NYX: variants seen among roughly 807,000 people sequenced by gnomAD.
The protein encoded by NYX is nyctalopin, also known as leucine-rich repeat protein.
For synonymous variants in NYX, 258 were observed against 245.7 expected, an observed-to-expected ratio of 1.05 and a Z score of -0.47; for missense variants, 481 against 485.4, an observed-to-expected ratio of 0.99 and a Z score of 0.09.
Position 41,474,806 on chromosome X carries a change from G to C in NYX, c.1338G>C (p.Val446=). ...CCGACAGCCTCTCCTCCCGTGGGGT[G>C]GGAGGCGCGGGCCGGCAGCCCTGGT... ...SLSDSLSSRG[V]GGAGRQPWFL... is the part of the protein sequence containing the mutation. The change falls in exon 3 of 3, where the codon GTG becomes GTC. Residue 446 remains valine, a synonymous_variant. Coordinates refer to ENST00000378220, the MANE Select transcript of NYX (RefSeq NM_001378477.3). The C allele has an allele frequency of 8.3e-7, 1 of 1,203,005 alleles. No individual in the cohort carries two copies. The highest frequency in any genetic ancestry group is 1.1e-6 in the Non-Finnish European group (1 of 892,068).
At chrX:41,470,977 C>T (rs927226373) in intron 2 of NYX, among the ~76,000 whole-genome samples, 3 of 111,218 alleles carry the variant, frequency 2.7e-5, no homozygotes, top group African/African-American at 9.8e-5. Flanking sequence ...CTATTTCTCA[C>T]GGCCCAATAA....
intron 2 of NYX, among the ~76,000 whole-genome samples, chrX:41,462,652 T>C (rs2064324174): frequency 8.9e-6 from 1 of 112,390 alleles, no homozygotes; most frequent in Non-Finnish European, 1.9e-5. Context: ...CCAGTCTTTC[T>C]AATTTTAGCC....
At chrX:41,469,682 G>T (rs980048481) in intron 2 of NYX, among the ~76,000 whole-genome samples, 3 of 109,975 alleles carry the variant, frequency 2.7e-5, no homozygotes, top group African/African-American at 1.0e-4. Context: ...GAGTAGCTGG[G>T]ATTATAGGTG....
chrX:41,466,383 C>T lies in NYX; in HGVS notation c.23-7108C>T, dbSNP rs192658454. On this transcript the variant is annotated intron_variant, in intron 2 of 2. Transcript: ENST00000378220. ...CTGTGGTGAACCGAGATTGCACCACCGCACTCCAGCCTGGGCAACGGAGAG... is the reference window on the plus strand; with the variant it reads ...CTGTGGTGAACCGAGATTGCACCACTGCACTCCAGCCTGGGCAACGGAGAG... Among the ~76,000 whole-genome samples the T allele has an allele frequency of 2.2e-3, 243 of 109,259 alleles. 1 individual carries two copies. Among genetic ancestry groups the T allele is most frequent in the African/African-American group, 7.4e-3 (222 of 30,043 alleles). 94.9% of individuals were successfully genotyped at this position (109,259 alleles called of 115,157 possible).
intron 2 of NYX, among the ~76,000 whole-genome samples, chrX:41,466,584 A>G (rs2064339194): frequency 9.9e-6 from 1 of 101,365 alleles, no homozygotes; most frequent in African/African-American, 3.6e-5. Flanking sequence ...TTTGAGACAG[A>G]GTTTCGCTCT....
Position 41,473,587 on chromosome X carries a change from C to T in NYX, c.119C>T (p.Ser40Leu), listed in dbSNP as rs762359799. The change falls in exon 3 of 3, where the codon TCG becomes TTG. Residue 40 changes from serine to leucine, a missense_variant. Coordinates refer to ENST00000378220, the MANE Select transcript of NYX (RefSeq NM_001378477.3). ...CACSTVERGC[S>L]VRCDRAGLLR... ...TGCAGCACCGTGGAGCGCGGCTGCT[C>T]GGTGCGCTGCGACCGCGCGGGCCTC... 2.6e-5 allele frequency: 26 copies of T among 1,010,294 alleles called. No individual in the cohort carries two copies. The highest frequency in any genetic ancestry group is 2.8e-4 in the Middle Eastern group (1 of 3,511). The allele number at this position is 1,010,294 out of a possible 1,213,427, so 83.3% of individuals were successfully genotyped here.
chrX:41,448,396 C>T (rs1334871756), intron 2 of NYX, among the ~76,000 whole-genome samples: 2 of 108,063 alleles, frequency 1.9e-5, no homozygotes, highest in African/African-American at 3.4e-5. Flanking sequence ...GTGCCCGCCA[C>T]CACGCCTGGC....
chrX:41,450,838 T>A (rs771416953), intron 2 of NYX, among the ~76,000 whole-genome samples: 34,032 of 76,952 alleles, frequency 0.44, 6,048 homozygotes, highest in East Asian at 0.57. Context: ...ATTTTTTTTT[T>A]TTTTTTTTTT....
chrX:41,454,781 AT>A (rs2064293483), intron 2 of NYX, among the ~76,000 whole-genome samples: 1 of 110,045 alleles, frequency 9.1e-6, no homozygotes, highest in Admixed American at 9.8e-5. Context: ...TAATTTTTGT[AT>A]TTTTTGTAGA....
chrX:41,465,604 A>C (rs2064335103), intron 2 of NYX, among the ~76,000 whole-genome samples: 1 of 100,017 alleles, frequency 1.0e-5, no homozygotes. Context: ...ATCTCAGCTC[A>C]CTGCAACCTC....
intron 2 of NYX, among the ~76,000 whole-genome samples, chrX:41,469,219 T>C (rs955809661): frequency 9.0e-6 from 1 of 111,445 alleles, no homozygotes; most frequent in African/African-American, 3.3e-5. Flanking sequence ...GTATTCTACA[T>C]ATCCCTTTTG....
At chrX:41,450,078 A>G (rs2064273284) in intron 2 of NYX, among the ~76,000 whole-genome samples, 1 of 111,598 alleles carries the variant, frequency 9.0e-6, no homozygotes. Flanking sequence ...CTGGACACAC[A>G]GGGCTCCTGG....
At chrX:41,460,888 T>C (rs1401948383) in intron 2 of NYX, among the ~76,000 whole-genome samples, 2 of 95,225 alleles carry the variant, frequency 2.1e-5, no homozygotes, top group Non-Finnish European at 4.2e-5. Context: ...TTTTTTTTTT[T>C]TTTTTTTTTT....
At chrX:41,464,696 T>TGTGTGTGTGTGTGTGTG (rs58499732) in intron 2 of NYX, among the ~76,000 whole-genome samples, 2 of 110,502 alleles carry the variant, frequency 1.8e-5, no homozygotes, top group Non-Finnish European at 3.8e-5. Flanking sequence ...TGTGTGTGTG[T>TGTGTGTGTGTGTGTGTG]TTTATGTTAC....
Position 41,471,491 on chromosome X carries a change from A to G in NYX, c.23-2000A>G, listed in dbSNP as rs765682033. On this transcript the variant is annotated intron_variant, in intron 2 of 2. Transcript: ENST00000378220. ...AAAGACATGTGATTAACTTCTTTTA[A>G]TCTATAACTAAGGTCTGAGTCCTGA... Among the ~76,000 whole-genome samples the G allele has an allele frequency of 8.0e-5, 9 of 111,924 alleles. No homozygotes were observed. The South Asian group carries it at 3.3e-3, about 41-fold the overall frequency.
rs139094974 is a variant in NYX, at chrX:41,472,696, C to T, written c.23-795C>T. 3.8e-3 allele frequency: 1,326 copies of T among 350,239 alleles called. 9 individuals carry two copies. The highest frequency in any genetic ancestry group is 0.032 in the African/African-American group (1,247 of 38,973). The allele number at this position is 350,239 out of a possible 1,213,427, so 28.9% of individuals were successfully genotyped here. A position where few individuals can be genotyped will look rare whatever the true frequency, so the allele number is the denominator to read the frequency against. ...TGGCTACTGTGCGCGCCCCCACTTC[C>T]GCCGGCACCCCGCAGTAGAGGCCAG... On this transcript the variant is annotated intron_variant, in intron 2 of 2. Coordinates refer to ENST00000378220, the MANE Select transcript of NYX (RefSeq NM_001378477.3).
intron 2 of NYX, among the ~76,000 whole-genome samples, chrX:41,467,790 T>C (rs1045213702): frequency 9.0e-6 from 1 of 111,103 alleles, no homozygotes; most frequent in African/African-American, 3.3e-5. Context: ...CCTGAGTAGC[T>C]GGGACTACAG....
At chrX:41,453,480 G>C (rs2064288609) in intron 2 of NYX, among the ~76,000 whole-genome samples, 1 of 104,573 alleles carries the variant, frequency 9.6e-6, no homozygotes, top group Admixed American at 1.0e-4. Context: ...TTTTGAGATA[G>C]AGTCTTGCTC....
intron 2 of NYX, among the ~76,000 whole-genome samples, chrX:41,463,817 C>T (rs867815208): frequency 3.1e-4 from 35 of 111,504 alleles, no homozygotes; most frequent in Middle Eastern, 4.7e-3. Context: ...GATCCACCCC[C>T]CCATCGGCCT....
Sources: gnomAD v4.1 joint callset for allele counts (sites outside exome capture counted in the v4.1 genomes callset) on GRCh38, gnomAD v4.1.1 for gene constraint, MANE v1.5 for transcripts, NCBI Gene and HGNC (gene_info 2026-07-23, HGNC 2026-07-21) for gene names.